Variants in AKIRIN1 observed in about 807,000 individuals in gnomAD.
AKIRIN1 encodes akirin 1.
In AKIRIN1, 4 loss-of-function variants were observed where a neutral mutation model predicts 25.9. That is an observed-to-expected ratio of 0.15 (90% CI 0.08 to 0.35). AKIRIN1 has a LOEUF of 0.35. Ranked by LOEUF, AKIRIN1 falls within the 10% of genes least tolerant of loss-of-function variation. AKIRIN1 has a pLI of 1.00. For synonymous variants in AKIRIN1, 125 were observed against 105.1 expected (o/e 1.19, Z -1.16); for missense variants, 243 against 266.1 (o/e 0.91, Z 0.61).
intron 2 of AKIRIN1, among the ~76,000 whole-genome samples, chr1:38,999,282 A>G (rs1348471841): frequency 6.6e-6 from 1 of 152,222 alleles, no homozygotes; most frequent in Non-Finnish European, 1.5e-5. Flanking sequence ...GTCTCCTTAC[A>G]AAATATAAAC....
intron 1 of AKIRIN1, among the ~76,000 whole-genome samples, chr1:38,997,653 A>AC (rs1212542632): frequency 1.3e-5 from 2 of 151,980 alleles, no homozygotes; most frequent in African/African-American, 4.8e-5. Flanking sequence ...TGGAGCCACC[A>AC]CTTCCAGCTC....
chr1:38,999,407 G>C (rs1643971637), intron 2 of AKIRIN1, among the ~76,000 whole-genome samples: 1 of 152,228 alleles, frequency 6.6e-6, no homozygotes, highest in Non-Finnish European at 1.5e-5. Flanking sequence ...GGTGGTAGTA[G>C]TGTAACATTT....
rs750108317 is a variant in AKIRIN1, at chr1:38,998,222, G to A, written c.272G>A (p.Arg91Lys). ...KQEYSRYQRW[R>K]HLEVVLNQSE... ...GAATATAGTCGTTATCAGAGGTGGA[G>A]ACATTTAGAAGTTGTTCTTAATCAG... Residue 91 changes from arginine to lysine, a missense_variant, in exon 2 of 5, where the codon AGA (arginine) becomes AAA (lysine). This residue lies in a region of AKIRIN1 where 190 missense variants were observed against 174.4 expected (regional missense o/e 1.09). Transcript: ENST00000432648. The A allele has an allele frequency of 6.2e-7, 1 of 1,613,904 alleles. No homozygotes were observed. The highest frequency in any genetic ancestry group is 1.7e-5 in the Admixed American group (1 of 59,982).
In AKIRIN1 at chr1:38,991,565, C is replaced by T; in HGVS notation, c.185C>T (p.Ala62Val). The T allele has an allele frequency of 7.3e-7, 1 of 1,373,822 alleles. No individual in the cohort carries two copies. The highest frequency in any genetic ancestry group is 9.4e-7 in the Non-Finnish European group (1 of 1,066,470). The allele number at this position is 1,373,822 out of a possible 1,614,324, so 85.1% of individuals were successfully genotyped here. A position where few individuals can be genotyped will look rare whatever the true frequency, so the allele number is the denominator to read the frequency against. ...CCACCGCAGAGTCTGCAGCAGCCCG[C>T]CCCGCCCGGCAGCGAGCGGCGCCTT... ...QTPPQSLQQP[A>V]PPGSERRLPT... The change falls in exon 1 of 5, where the codon GCC becomes GTC. Residue 62 changes from alanine to valine, a missense_variant. Around this residue, in one of 3 missense-constraint regions of AKIRIN1, gnomAD observed 190 missense variants for 174.4 expected, o/e 1.09. Coordinates refer to ENST00000432648, the MANE Select transcript of AKIRIN1 (RefSeq NM_024595.3).
At chr1:38,998,720 A>C in intron 2 of AKIRIN1, among the ~76,000 whole-genome samples, 1 of 152,010 alleles carries the variant, frequency 6.6e-6, no homozygotes, top group Admixed American at 6.6e-5. Flanking sequence ...CCTGGCCAAC[A>C]TGGCAAAACC....
chr1:38,991,563 C>G lies in AKIRIN1; in HGVS notation c.183C>G (p.Pro61=). ...CCCCACCGCAGAGTCTGCAGCAGCC[C>G]GCCCCGCCCGGCAGCGAGCGGCGCC... The part of the protein sequence containing the change: ...TQTPPQSLQQ[P]APPGSERRLP... The change falls in exon 1 of 5, where the codon CCC becomes CCG. Residue 61 remains proline (P), a synonymous_variant. Transcript: ENST00000432648. 2 of 1,377,738 alleles carry G rather than the reference C, an allele frequency of 1.5e-6. No individual in the cohort carries two copies. The highest frequency in any genetic ancestry group is 1.9e-6 in the Non-Finnish European group (2 of 1,068,492). 85.3% of individuals were successfully genotyped at this position (1,377,738 alleles called of 1,614,324 possible). A position where few individuals can be genotyped will look rare whatever the true frequency, so the allele number is the denominator to read the frequency against.
intron 1 of AKIRIN1, among the ~76,000 whole-genome samples, chr1:38,992,929 T>TA (rs1490365910): frequency 6.6e-6 from 1 of 152,206 alleles, no homozygotes; most frequent in Admixed American, 6.5e-5. Flanking sequence ...CAATGTTGTA[T>TA]AACCTTATGT....
rs1644017578 is a variant in AKIRIN1 at position 39,004,386 on chromosome 1, C to T, written c.*331C>T. On this transcript the variant is annotated 3_prime_UTR_variant, in exon 5 of 5. Transcript: ENST00000432648. ...CCCAAGCACAGTTCTGTAAGAAGTG[C>T]GTGTGAGAGTGTGTGTATATGTGTG... 9 of 488,016 alleles carry T rather than the reference C, an allele frequency of 1.8e-5. No individual in the cohort carries two copies. The highest frequency in any genetic ancestry group is 6.4e-5 in the Admixed American group (2 of 31,440). 30.2% of individuals were successfully genotyped at this position (488,016 alleles called of 1,614,324 possible). A position where few individuals can be genotyped will look rare whatever the true frequency, so the allele number is the denominator to read the frequency against.
rs934470049 is a variant in AKIRIN1, at chr1:39,004,226, G to A, written c.*171G>A. ...TGAAAGACCGTAAAACTTTCTGGTT[G>A]CCACAAGCATATCTTTCTTTTCTGC... On this transcript the variant is annotated 3_prime_UTR_variant, in exon 5 of 5. Coordinates refer to ENST00000432648, the MANE Select transcript of AKIRIN1 (RefSeq NM_024595.3). 5 of 754,050 alleles carry A rather than the reference G, an allele frequency of 6.6e-6. No individual in the cohort carries two copies. Among genetic ancestry groups the A allele is most frequent in the Admixed American group, 2.0e-5 (1 of 50,350 alleles). The allele number at this position is 754,050 out of a possible 1,614,324, so 46.7% of individuals were successfully genotyped here.
At chr1:39,000,777 C>G (rs1438043832) in intron 2 of AKIRIN1, among the ~76,000 whole-genome samples, 195 bp from the exon 3 acceptor site, 1 of 152,104 alleles carries the variant, frequency 6.6e-6, no homozygotes, top group East Asian at 1.9e-4. Flanking sequence ...CTGCCTCAGC[C>G]TCCCGAGTAG....
In AKIRIN1 at chr1:39,005,008, T is replaced by C. The variant is rs2148071338; in HGVS notation, c.*953T>C. The C allele has an allele frequency of 6.6e-6, 1 of 152,316 alleles. No individual in the cohort carries two copies. Among genetic ancestry groups the C allele is most frequent in the African/African-American group, 2.4e-5 (1 of 41,538 alleles). 9.4% of individuals were successfully genotyped at this position (152,316 alleles called of 1,614,324 possible). A position where few individuals can be genotyped will look rare whatever the true frequency, so the allele number is the denominator to read the frequency against. On this transcript the variant is annotated 3_prime_UTR_variant, in exon 5 of 5. Transcript: ENST00000432648. ...GCCACTTCACCTTTGTATTAGTTAT[T>C]AAAAAATATAATTTGGGCTGGGCGC...
chr1:38,992,426 G>A (rs553477450), intron 1 of AKIRIN1, among the ~76,000 whole-genome samples: 1 of 152,206 alleles, frequency 6.6e-6, no homozygotes, highest in East Asian at 1.9e-4. Context: ...CGGAAATGAG[G>A]GGGGCGTCTC....
intron 1 of AKIRIN1, among the ~76,000 whole-genome samples, chr1:38,997,326 G>A (rs1256061655): frequency 2.0e-5 from 3 of 152,064 alleles, no homozygotes; most frequent in Non-Finnish European, 4.4e-5. Flanking sequence ...AATTTGCTTT[G>A]TGATTACCTT....
At chr1:39,000,589 A>G (rs1204877345) in intron 2 of AKIRIN1, among the ~76,000 whole-genome samples, 1 of 150,714 alleles carries the variant, frequency 6.6e-6, no homozygotes, top group African/African-American at 2.4e-5. Context: ...ACCTCAGGTG[A>G]TCCGCCCACC....
In AKIRIN1 at chr1:38,998,166, A is replaced by G. The variant is rs761207391; in HGVS notation, c.221-5A>G. On this transcript the variant is annotated splice_region_variant and splice_polypyrimidine_tract_variant and intron_variant, in intron 1 of 4. Transcript: ENST00000432648. ...GAAAGCTCAAGTTTGTTTCTTTTTTATTAGAGCAAATTTTTCAGAACATAA... is the reference window on the plus strand; with the variant it reads ...GAAAGCTCAAGTTTGTTTCTTTTTTGTTAGAGCAAATTTTTCAGAACATAA... 1 of 1,601,430 alleles carries G rather than the reference A, an allele frequency of 6.2e-7. No homozygotes were observed. Among genetic ancestry groups the G allele is most frequent in the South Asian group, 1.1e-5 (1 of 88,154 alleles).
At chr1:38,994,012 G>A (rs1282682501) in intron 1 of AKIRIN1, among the ~76,000 whole-genome samples, 4 of 151,634 alleles carry the variant, frequency 2.6e-5, no homozygotes, top group Non-Finnish European at 5.9e-5. Context: ...GGAGATTGCG[G>A]TAAGCCGAGA....
At position 39,001,120 on chromosome 1, in the gene AKIRIN1, G is replaced by GT; in HGVS notation, c.496+15dup. 1.9e-6 allele frequency: 3 copies of GT among 1,602,358 alleles called. No homozygotes were observed. Among genetic ancestry groups the GT allele is most frequent in the Non-Finnish European group, 2.6e-6 (3 of 1,175,424 alleles). On this transcript the variant is annotated intron_variant, in intron 3 of 4. Transcript: ENST00000432648. ...CCAAACTAGCAGGTAGGCCCAGGCA[G>GT]TGACTGCCATTGTCATTAACAGGGT... is the stretch of plus-strand genomic sequence containing the variant.
chr1:38,999,320 G>A (rs754418213), intron 2 of AKIRIN1, among the ~76,000 whole-genome samples: 4 of 152,188 alleles, frequency 2.6e-5, no homozygotes, highest in Non-Finnish European at 4.4e-5. Flanking sequence ...TAGGGTTAGG[G>A]GAGAATGAGG....
Position 38,991,335 on chromosome 1 carries a change from C to G in AKIRIN1, c.-46C>G, listed in dbSNP as rs1398278064. ...AGCCCGGCTGAGGAGCCTCTTGGGCCGCACTTACCGCCGCGTCCGCTCCCG... is the reference window on the plus strand; with the variant it reads ...AGCCCGGCTGAGGAGCCTCTTGGGCGGCACTTACCGCCGCGTCCGCTCCCG... On this transcript the variant is annotated 5_prime_UTR_variant, in exon 1 of 5. Transcript: ENST00000432648. 8 of 1,323,898 alleles carry G rather than the reference C, an allele frequency of 6.0e-6. No individual in the cohort carries two copies. Among genetic ancestry groups the G allele is most frequent in the Non-Finnish European group, 5.8e-6 (6 of 1,037,304 alleles). 82.0% of individuals were successfully genotyped at this position (1,323,898 alleles called of 1,614,324 possible).
Sources: allele counts gnomAD v4.1 joint callset (sites outside exome capture counted in the v4.1 genomes callset), GRCh38; gene constraint gnomAD v4.1.1; regional missense constraint gnomAD v4.1.1; transcripts MANE v1.5; gene names NCBI Gene and HGNC (gene_info 2026-07-23, HGNC 2026-07-21).